The following CROCC2 variants were observed in gnomAD, a reference collection of about 807,000 sequenced individuals.
CROCC2 encodes ciliary rootlet coiled-coil protein 2.
A neutral mutation model predicts 177.6 loss-of-function variants in CROCC2; 163 were observed. The ratio of observed to expected loss-of-function variants is 0.92; its 90% CI spans 0.81 to 1.05. The LOEUF is 1.05. CROCC2 is among the 50% of genes least tolerant of loss of function. The pLI, the probability that CROCC2 is intolerant of heterozygous loss-of-function variation, is 0.00. For synonymous variants in CROCC2, 904 were observed against 787.3 expected (o/e 1.15, Z -2.48); for missense variants, 1,929 against 1,797.8 (o/e 1.07, Z -1.32).
intron 14 of CROCC2, among the ~76,000 whole-genome samples, chr2:240,944,744 C>T (rs1258473619): frequency 6.6e-6 from 1 of 152,112 alleles, no homozygotes; most frequent in Non-Finnish European, 1.5e-5. Flanking sequence ...ACTCCAATAT[C>T]TAGATAACCA....
chr2:240,983,676 G>A (rs1025932080), intron 28 of CROCC2: 40 of 1,237,424 alleles, frequency 3.2e-5, no homozygotes, highest in Non-Finnish European at 4.1e-5. Flanking sequence ...GCATGCTTCT[G>A]TGTCCTCACC....
intron 10 of CROCC2, 50 bp downstream of exon 10, chr2:240,933,392 T>C: frequency 2.1e-6 from 3 of 1,434,588 alleles, no homozygotes; most frequent in Middle Eastern, 5.1e-4. Context: ...TATGGGATCC[T>C]GAGGGCCCAG....
chr2:240,949,077 T>C lies in CROCC2; in HGVS notation c.2462T>C (p.Leu821Pro). 6.5e-7 allele frequency: 1 copy of C among 1,546,010 alleles called. No individual in the cohort carries two copies. Among genetic ancestry groups the C allele is most frequent in the Non-Finnish European group, 8.7e-7 (1 of 1,145,620 alleles). Residue 821 changes from leucine (L) to proline (P), a missense_variant, in exon 16 of 32, where the codon CTC (leucine) becomes CCC (proline). Around this residue, in one of 3 missense-constraint regions of CROCC2, gnomAD observed 1,397 missense variants for 1,239.9 expected, o/e 1.13. Transcript: ENST00000690015. This position sits in a 1 kb window ranked among gnomAD's most constrained non-coding sequence, Gnocchi z 4.5. ...QLEEEARSAG[L>P]ARQALQVEME... ...GAGGAGGAAGCCCGGAGCGCAGGAC[T>C]CGCGCGGCAGGCCTTGCAAGGTGCT...
chr2:240,933,989 C>T, intron 11 of CROCC2, 137 bp downstream of exon 11: 5 of 986,594 alleles, frequency 5.1e-6, no homozygotes, highest in Admixed American at 2.7e-5. Flanking sequence ...CCTAACAGGG[C>T]AGGGGCGGGG....
At chr2:240,992,349 C>T (rs946368664) in intron 31 of CROCC2, among the ~76,000 whole-genome samples, 2 of 152,192 alleles carry the variant, frequency 1.3e-5, no homozygotes, top group African/African-American at 4.8e-5. Flanking sequence ...GGCTCCCGGC[C>T]CCCACCCCAT....
intron 20 of CROCC2, among the ~76,000 whole-genome samples, chr2:240,961,611 TAC>T (rs2059635713): frequency 8.9e-6 from 1 of 112,200 alleles, no homozygotes; most frequent in Non-Finnish European, 1.8e-5. Context: ...CACTCACACA[TAC>T]ACTCATGACA....
intron 19 of CROCC2, among the ~76,000 whole-genome samples, chr2:240,957,790 C>T (rs77806370): frequency 0.034 from 5,221 of 152,212 alleles, 276 homozygotes; most frequent in African/African-American, 0.12. Flanking sequence ...GCCCCTGAGG[C>T]CTGGAGGGTT....
At chr2:240,983,192 C>A in intron 28 of CROCC2, 163 bp downstream of exon 28, 1 of 852,766 alleles carries the variant, frequency 1.2e-6, no homozygotes, top group Non-Finnish European at 1.8e-6. Flanking sequence ...ACCCAGGCAC[C>A]ATCCAGTCCC....
intron 20 of CROCC2, among the ~76,000 whole-genome samples, chr2:240,961,811 A>AC (rs1491226863): frequency 0.095 from 6,923 of 72,792 alleles, 1,315 homozygotes; most frequent in African/African-American, 0.16. Context: ...ATACACTCAC[A>AC]TACACTCACA....
Position 240,932,306 on chromosome 2 carries a change from G to C in CROCC2, c.948-12G>C, listed in dbSNP as rs768347659. 4 of 710,696 alleles carry C rather than the reference G, an allele frequency of 5.6e-6. No homozygotes were observed. Among genetic ancestry groups the C allele is most frequent in the Non-Finnish European group, 7.9e-6 (3 of 380,254 alleles). 44.0% of individuals were successfully genotyped at this position (710,696 alleles called of 1,614,324 possible). A position where few individuals can be genotyped will look rare whatever the true frequency, so the allele number is the denominator to read the frequency against. Reference sequence around the variant, plus strand: ...CCTGCCCTTCACCCCCACACCCCCCGACTCCTCCCAGACTCTCGGAGCAAA... The same window carrying C: ...CCTGCCCTTCACCCCCACACCCCCCCACTCCTCCCAGACTCTCGGAGCAAA... On this transcript the variant is annotated splice_polypyrimidine_tract_variant and intron_variant, in intron 7 of 31. Transcript: ENST00000690015.
rs116656887 is a variant in CROCC2 at position 240,959,387 on chromosome 2, G to T, written c.3030G>T (p.Thr1010=). Residue 1010 remains threonine (T), a synonymous_variant, in exon 20 of 32, where the codon ACG becomes ACT. Coordinates refer to ENST00000690015, the MANE Select transcript of CROCC2 (RefSeq NM_001351305.2). ...DAITAHQRET[T]ALRESLQDLA... ...TCACAGCCCATCAGAGGGAGACCAC[G>T]GCCCTACGCGAGAGCCTCCAGGACC... is the stretch of plus-strand genomic sequence containing the variant. 7.3e-5 allele frequency: 113 copies of T among 1,550,428 alleles called. No individual in the cohort carries two copies. In the African/African-American group the frequency reaches 1.1e-3, roughly 16 times the overall value.
intron 20 of CROCC2, among the ~76,000 whole-genome samples, chr2:240,962,162 T>G (rs1345344155): frequency 6.6e-6 from 1 of 152,190 alleles, no homozygotes; most frequent in African/African-American, 2.4e-5. Context: ...GCTGCCTCCC[T>G]GTAGGAGATT....
In CROCC2 at chr2:240,966,401, C is replaced by A; in HGVS notation, c.4138C>A (p.Arg1380=). ...TGTGCAGAAGCTCCGGGAAGCCCAG[C>A]GGGAGCGGGTAATGGGGGCTGGGGT... The part of the protein sequence containing the change: ...DFVQKLREAQ[R]ERDDSRIQMA... The change falls in exon 25 of 32, where the codon CGG becomes AGG. Residue 1380 remains arginine, a synonymous_variant. Transcript: ENST00000690015. 1 of 401,262 alleles carries A rather than the reference C, an allele frequency of 2.5e-6. No homozygotes were observed. The highest frequency in any genetic ancestry group is 4.4e-6 in the Non-Finnish European group (1 of 226,570). 24.9% of individuals were successfully genotyped at this position (401,262 alleles called of 1,614,324 possible). A position where few individuals can be genotyped will look rare whatever the true frequency, so the allele number is the denominator to read the frequency against.
intron 1 of CROCC2, among the ~76,000 whole-genome samples, chr2:240,910,857 G>A (rs1458261132): frequency 6.6e-6 from 1 of 152,146 alleles, no homozygotes; most frequent in Non-Finnish European, 1.5e-5. Flanking sequence ...CTGGCCGGGT[G>A]CAGTGACTCA....
rs2059540555 is a variant in CROCC2 at position 240,949,418 on chromosome 2, C to T, written c.2483-115C>T. The T allele has an allele frequency of 1.5e-6, 2 of 1,319,014 alleles. No individual in the cohort carries two copies. Among genetic ancestry groups the T allele is most frequent in the East Asian group, 2.5e-5 (1 of 39,310 alleles). The allele number at this position is 1,319,014 out of a possible 1,614,324, so 81.7% of individuals were successfully genotyped here. A position where few individuals can be genotyped will look rare whatever the true frequency, so the allele number is the denominator to read the frequency against. Reference sequence around the variant, plus strand: ...CCCTGCCATGTGCTGGCCACCCACTCCCGGAGCCTGGAGTGGACAGTGCTT... The same window carrying T: ...CCCTGCCATGTGCTGGCCACCCACTTCCGGAGCCTGGAGTGGACAGTGCTT... On this transcript the variant is annotated intron_variant, in intron 16 of 31. Coordinates refer to ENST00000690015, the MANE Select transcript of CROCC2 (RefSeq NM_001351305.2). This position sits in a 1 kb window ranked among gnomAD's most constrained non-coding sequence, Gnocchi z 4.5.
In CROCC2 at chr2:240,967,618, G is replaced by A. The variant is rs980374504; in HGVS notation, c.4267+153G>A. ...CAACACCCAAACCACCAGGCCTGGCGAGGCTGGGTCAGCGCTTGGCATCGG... is the reference window on the plus strand; with the variant it reads ...CAACACCCAAACCACCAGGCCTGGCAAGGCTGGGTCAGCGCTTGGCATCGG... On this transcript the variant is annotated intron_variant, in intron 26 of 31. Transcript: ENST00000690015. 8 of 980,126 alleles carry A rather than the reference G, an allele frequency of 8.2e-6. No individual in the cohort carries two copies. The South Asian group carries it at 1.9e-4, about 23-fold the overall frequency. 60.7% of individuals were successfully genotyped at this position (980,126 alleles called of 1,614,324 possible). A position where few individuals can be genotyped will look rare whatever the true frequency, so the allele number is the denominator to read the frequency against.
At chr2:240,931,398 G>T (rs539790073) in intron 7 of CROCC2, among the ~76,000 whole-genome samples, 1 of 152,342 alleles carries the variant, frequency 6.6e-6, no homozygotes, top group South Asian at 2.1e-4. Flanking sequence ...CGTCCTGGGG[G>T]TCAGCACCCA....
At chr2:240,920,512 C>T (rs74000117) in intron 3 of CROCC2, among the ~76,000 whole-genome samples, 4,684 of 152,306 alleles carry the variant, frequency 0.031, 230 homozygotes, top group African/African-American at 0.11. Context: ...TGGCACAAAG[C>T]TGGCACCTGC....
chr2:240,946,152 A>G lies in CROCC2; in HGVS notation c.2262A>G (p.Gln754=). The change falls in exon 15 of 32, where the codon CAA becomes CAG. Residue 754 remains glutamine (Q), a synonymous_variant. Coordinates refer to ENST00000690015, the MANE Select transcript of CROCC2 (RefSeq NM_001351305.2). ...TGGGCACTCTGCAGCAAGCCCTGCA[A>G]GGAAAGGATGCTCTGTCTGAGGAGC... ...AQMGTLQQAL[Q]GKDALSEERA... The G allele has an allele frequency of 1.3e-6, 2 of 1,548,538 alleles. No homozygotes were observed. Among genetic ancestry groups the G allele is most frequent in the Non-Finnish European group, 1.7e-6 (2 of 1,145,278 alleles).
Sources: allele counts gnomAD v4.1 joint callset (sites outside exome capture counted in the v4.1 genomes callset), GRCh38; gene constraint gnomAD v4.1.1; regional missense constraint gnomAD v4.1.1; non-coding constraint Gnocchi (gnomAD v3.1); transcripts MANE v1.5; gene names NCBI Gene and HGNC (gene_info 2026-07-23, HGNC 2026-07-21).